SLC35F4: variants seen among roughly 807,000 people sequenced by gnomAD.
SLC35F4 encodes chromosome 14 open reading frame 36.
SLC35F4 carries 24 observed loss-of-function variants against 44.2 expected under a neutral mutation model. The ratio of observed to expected loss-of-function variants is 0.54; its 90% confidence interval spans 0.39 to 0.76. SLC35F4 has a LOEUF of 0.76. Ranked by LOEUF, SLC35F4 falls within the 30% of genes least tolerant of loss-of-function variation. The pLI is 0.00. For missense variants in SLC35F4, 562 were observed against 586.1 expected, an observed-to-expected ratio of 0.96 and a Z score of 0.42; for synonymous variants, 238 against 223.6, an observed-to-expected ratio of 1.06 and a Z score of -0.57.
intron 1 of SLC35F4, among the ~76,000 whole-genome samples, chr14:57,740,801 A>G (rs1398696258): frequency 6.6e-6 from 1 of 152,214 alleles, no homozygotes; most frequent in Non-Finnish European, 1.5e-5. Context: ...ATGCTTTTAA[A>G]AGATCTGAGA....
intron 1 of SLC35F4, among the ~76,000 whole-genome samples, chr14:57,776,017 T>A (rs1398428746): frequency 6.6e-6 from 1 of 152,144 alleles, no homozygotes; most frequent in Non-Finnish European, 1.5e-5. Context: ...CTGCAAGTAT[T>A]AACAGCAGAA....
At chr14:57,696,681 G>A (rs532377930) in intron 1 of SLC35F4, among the ~76,000 whole-genome samples, 17 of 152,296 alleles carry the variant, frequency 1.1e-4, no homozygotes, top group South Asian at 8.3e-4. Context: ...GCCCATCAAT[G>A]ATAGACTGGA....
At chr14:57,650,965 G>A (rs1198761336) in intron 1 of SLC35F4, among the ~76,000 whole-genome samples, 1 of 152,154 alleles carries the variant, frequency 6.6e-6, no homozygotes, top group East Asian at 1.9e-4. Flanking sequence ...TTCTAAGAGA[G>A]GCATTCCCCA....
intron 1 of SLC35F4, among the ~76,000 whole-genome samples, chr14:57,887,097 C>A (rs753603416): frequency 6.6e-6 from 1 of 152,136 alleles, no homozygotes; most frequent in African/African-American, 2.4e-5. Flanking sequence ...GTGGGGAATG[C>A]AGGAATAAAG....
intron 1 of SLC35F4, among the ~76,000 whole-genome samples, chr14:57,880,090 AAGGAAGGAAGGAAG>A (rs1342699723): frequency 4.0e-5 from 5 of 123,666 alleles, no homozygotes; most frequent in Non-Finnish European, 7.2e-5. Flanking sequence ...GGAAGGAAGG[AAGGAAGGAAGGAAG>A]GAAGGACAGT....
chr14:57,916,572 G>C (rs538102841), intron 1 of SLC35F4, among the ~76,000 whole-genome samples: 1 of 152,120 alleles, frequency 6.6e-6, no homozygotes, highest in Non-Finnish European at 1.5e-5. Flanking sequence ...TAATTCTTCT[G>C]TTCCTTTCTC....
chr14:57,577,670 T>TAAAAAAA (rs1022518397), intron 4 of SLC35F4, among the ~76,000 whole-genome samples: 1 of 148,982 alleles, frequency 6.7e-6, no homozygotes. Context: ...AACCTTTTTT[T>TAAAAAAA]AAAAAAAAAA....
At chr14:57,584,904 A>G (rs1201162799) in intron 3 of SLC35F4, among the ~76,000 whole-genome samples, 2 of 152,220 alleles carry the variant, frequency 1.3e-5, no homozygotes, top group Non-Finnish European at 2.9e-5. Flanking sequence ...ACAGGTGCAC[A>G]TAGGTATCTT....
At position 57,589,994 on chromosome 14, in the gene SLC35F4, A is replaced by G. The variant is rs78773212; in HGVS notation, c.290-481T>C. 1.0e-2 allele frequency among the ~76,000 whole-genome samples: 1,519 copies of G among 152,280 alleles called. 25 individuals are homozygous for G. Among genetic ancestry groups the G allele is most frequent in the African/African-American group, 0.034 (1,417 of 41,548 alleles). Reference sequence around the variant, plus strand: ...ATAGAAGGTGTTCTTTCTGTGTGGGAACATGAGCAGAACCCAGCCAAAGCT... The same window carrying G: ...ATAGAAGGTGTTCTTTCTGTGTGGGGACATGAGCAGAACCCAGCCAAAGCT... On this transcript the variant is annotated intron_variant, in intron 2 of 7. Coordinates refer to ENST00000556826, the MANE Select transcript of SLC35F4 (RefSeq NM_001306087.2).
intron 1 of SLC35F4, among the ~76,000 whole-genome samples, chr14:57,717,380 T>A (rs1485706165): frequency 6.6e-6 from 1 of 152,190 alleles, no homozygotes; most frequent in Non-Finnish European, 1.5e-5. Flanking sequence ...CTCACCCCTG[T>A]AATCCCAGCA....
chr14:57,879,063 C>T (rs1476388906), intron 1 of SLC35F4, among the ~76,000 whole-genome samples: 8 of 152,150 alleles, frequency 5.3e-5, no homozygotes, highest in Non-Finnish European at 1.2e-4. Flanking sequence ...TCATGATCCA[C>T]TTCTAAAGAG....
intron 1 of SLC35F4, among the ~76,000 whole-genome samples, chr14:57,961,252 A>ATT (rs2141088011): frequency 6.6e-6 from 1 of 152,270 alleles, no homozygotes; most frequent in African/African-American, 2.4e-5. Flanking sequence ...TTGAAAAATT[A>ATT]TTTTTAATAA....
At chr14:57,624,957 C>A (rs1385243852) in intron 1 of SLC35F4, among the ~76,000 whole-genome samples, 2 of 152,034 alleles carry the variant, frequency 1.3e-5, no homozygotes, top group African/African-American at 2.4e-5. Context: ...CTGGCCAGGG[C>A]AATCAGGCAA....
intron 1 of SLC35F4, among the ~76,000 whole-genome samples, chr14:57,692,572 C>G (rs1393146342): frequency 6.6e-6 from 1 of 152,028 alleles, no homozygotes; most frequent in Non-Finnish European, 1.5e-5. Flanking sequence ...AAGAGATTCC[C>G]TGGCACTCTC....
At chr14:57,593,678 T>G (rs974118112) in intron 2 of SLC35F4, among the ~76,000 whole-genome samples, 1 of 152,206 alleles carries the variant, frequency 6.6e-6, no homozygotes, top group African/African-American at 2.4e-5. Flanking sequence ...CCTTGTAAAC[T>G]TCACCAGGAG....
At chr14:57,568,065 A>G (rs1002171545) in intron 6 of SLC35F4, among the ~76,000 whole-genome samples, 3 of 152,240 alleles carry the variant, frequency 2.0e-5, no homozygotes, top group African/African-American at 7.2e-5. Context: ...GAAGACTGTA[A>G]GATCCTGGGG....
intron 1 of SLC35F4, among the ~76,000 whole-genome samples, chr14:57,876,760 G>A (rs1408640525): frequency 3.9e-5 from 6 of 152,080 alleles, no homozygotes; most frequent in African/African-American, 7.2e-5. Flanking sequence ...AAACACAGCA[G>A]CAACATTGGA....
In SLC35F4 at chr14:57,593,942, A is replaced by G; in HGVS notation, c.286T>C (p.Ser96Pro). Residue 96 changes from serine (S) to proline (P), a missense_variant, in exon 2 of 8, where the codon TCA becomes CCA. Coordinates refer to ENST00000556826, the MANE Select transcript of SLC35F4 (RefSeq NM_001306087.2). Reference protein sequence around the residue: ...CGHRVERQNRSADDGTQTHSE... With the variant: ...CGHRVERQNRPADDGTQTHSE... ...TAAGAGGAGGTCACCCACATACCTGATCTGTTCTGTCTCTCAACTCTGTGT... is the reference window on the plus strand; with the variant it reads ...TAAGAGGAGGTCACCCACATACCTGGTCTGTTCTGTCTCTCAACTCTGTGT... 1 of 1,613,724 alleles carries G rather than the reference A, an allele frequency of 6.2e-7. No individual in the cohort carries two copies. Among genetic ancestry groups the G allele is most frequent in the Non-Finnish European group, 8.5e-7 (1 of 1,179,810 alleles).
upstream of SLC35F4, among the ~76,000 whole-genome samples, chr14:57,866,957 A>AAATAATAATACTAAT (rs1555398879): frequency 7.3e-6 from 1 of 136,060 alleles, no homozygotes; most frequent in Non-Finnish European, 1.6e-5. Context: ...AGCTTCCTGC[A>AAATAATAATACTAAT]AATAATAATA....
Sources: gnomAD v4.1 joint callset for allele counts (sites outside exome capture counted in the v4.1 genomes callset) on GRCh38, gnomAD v4.1.1 for gene constraint, MANE v1.5 for transcripts, NCBI Gene and HGNC (gene_info 2026-07-23, HGNC 2026-07-21) for gene names.